B3GALT1: variants seen among roughly 807,000 people sequenced by gnomAD.
B3GALT1 encodes the protein beta-1,3-galactosyltransferase 1, also known as UDP-Gal:betaGlcNAc beta 1,3-galactosyltransferase, polypeptide 1.
B3GALT1 carries 10 observed loss-of-function variants against 23.2 expected under a neutral mutation model. That is an observed-to-expected ratio of 0.43 (90% confidence interval 0.27 to 0.73). The LOEUF is 0.73. B3GALT1 is among the 30% of genes least tolerant of loss of function. The pLI is 0.21. For synonymous variants in B3GALT1, 156 were observed against 141.5 expected (o/e 1.10, Z -0.73); for missense variants, 299 against 405.4 (o/e 0.74, Z 2.25).
chr2:167,347,153 A>G (rs900798229), intron 1 of B3GALT1, among the ~76,000 whole-genome samples: 1 of 152,196 alleles, frequency 6.6e-6, no homozygotes, highest in African/African-American at 2.4e-5. Context: ...TTCTAATAAA[A>G]GTATTCTGGG....
chr2:167,774,616 G>A (rs1688131035), intron 3 of B3GALT1, among the ~76,000 whole-genome samples: 1 of 149,530 alleles, frequency 6.7e-6, no homozygotes, highest in Non-Finnish European at 1.5e-5. Context: ...TCCTGCCTCA[G>A]CCTCCTGAGT....
chr2:167,633,535 C>G (rs1287813143), intron 2 of B3GALT1, among the ~76,000 whole-genome samples: 1 of 151,592 alleles, frequency 6.6e-6, no homozygotes, highest in Non-Finnish European at 1.5e-5. Flanking sequence ...GGTTGCAATC[C>G]TAGTCTCTCA....
At chr2:167,307,582 G>T (rs1696569404) in intron 1 of B3GALT1, among the ~76,000 whole-genome samples, 1 of 151,998 alleles carries the variant, frequency 6.6e-6, no homozygotes, top group Admixed American at 6.6e-5. Context: ...TGGTGAGGTG[G>T]TTATCAAAAG....
intron 1 of B3GALT1, among the ~76,000 whole-genome samples, chr2:167,412,758 A>C (rs561063873): frequency 1.3e-5 from 2 of 152,136 alleles, no homozygotes; most frequent in Non-Finnish European, 2.9e-5. Flanking sequence ...ATAAATGTGT[A>C]CATCTCTTCA....
At chr2:167,425,835 G>A (rs1210926529) in intron 1 of B3GALT1, among the ~76,000 whole-genome samples, 1 of 152,152 alleles carries the variant, frequency 6.6e-6, no homozygotes, top group Non-Finnish European at 1.5e-5. Context: ...GAAACCAGAA[G>A]CACTCAGAAA....
intron 3 of B3GALT1, among the ~76,000 whole-genome samples, chr2:167,740,098 CTAAA>C (rs57363909): frequency 0.099 from 14,102 of 142,876 alleles, 1,008 homozygotes; most frequent in African/African-American, 0.21. Context: ...GACTCTGTCT[CTAAA>C]TAAATAAATA....
chr2:167,634,065 G>A (rs1186314326), intron 2 of B3GALT1, among the ~76,000 whole-genome samples: 1 of 152,044 alleles, frequency 6.6e-6, no homozygotes, highest in Admixed American at 6.6e-5. Flanking sequence ...ACAACTACAT[G>A]GAAACTGAAC....
At chr2:167,684,131 C>G (rs752208034) in intron 3 of B3GALT1, among the ~76,000 whole-genome samples, 6 of 152,202 alleles carry the variant, frequency 3.9e-5, no homozygotes, top group Non-Finnish European at 8.8e-5. Flanking sequence ...ACTGGTTAGT[C>G]TCTCCATTTA....
intron 4 of B3GALT1, among the ~76,000 whole-genome samples, chr2:167,855,602 T>C (rs1325424033): frequency 6.6e-6 from 1 of 152,198 alleles, no homozygotes; most frequent in African/African-American, 2.4e-5. Context: ...TAAAAATATG[T>C]GCTGTAGTAA....
chr2:167,318,169 A>C (rs145269627), intron 1 of B3GALT1, among the ~76,000 whole-genome samples: 5,196 of 152,056 alleles, frequency 0.034, 251 homozygotes, highest in African/African-American at 0.11. Context: ...TCTACTAAAA[A>C]TACAAAAATT....
At chr2:167,711,431 C>T (rs1465888717) in intron 3 of B3GALT1, among the ~76,000 whole-genome samples, 1 of 152,166 alleles carries the variant, frequency 6.6e-6, no homozygotes, top group Non-Finnish European at 1.5e-5. Flanking sequence ...GAATGAATGG[C>T]ACTGCAGGTA....
chr2:167,835,179 T>C (rs10194405), intron 4 of B3GALT1, among the ~76,000 whole-genome samples: 50,535 of 151,888 alleles, frequency 0.33, 8,974 homozygotes, highest in East Asian at 0.61. Flanking sequence ...AGACAGTGGG[T>C]GCAGGTTAGT....
At chr2:167,459,556 GA>G (rs1699225194) in intron 1 of B3GALT1, among the ~76,000 whole-genome samples, 1 of 152,102 alleles carries the variant, frequency 6.6e-6, no homozygotes, top group Admixed American at 6.5e-5. Flanking sequence ...AAAGTTATAA[GA>G]ATACTAGCTT....
In B3GALT1 at chr2:167,302,464, A is replaced by G. The variant is rs1308579070; in HGVS notation, c.-511+9130A>G. 2.0e-5 allele frequency among the ~76,000 whole-genome samples: 3 copies of G among 152,164 alleles called. 1 individual carries two copies. Among genetic ancestry groups the G allele is most frequent in the Admixed American group, 6.5e-5 (1 of 15,274 alleles). On this transcript the variant is annotated intron_variant, in intron 1 of 4. Transcript: ENST00000392690. Reference sequence around the variant, plus strand: ...TTGGAAGGAAAGGACTAAATTGTACAAATTTCTGTTTTCTACATTGTTACT... The same window carrying G: ...TTGGAAGGAAAGGACTAAATTGTACGAATTTCTGTTTTCTACATTGTTACT...
intron 2 of B3GALT1, among the ~76,000 whole-genome samples, chr2:167,566,286 A>G (rs971877201): frequency 6.0e-5 from 9 of 151,068 alleles, no homozygotes; most frequent in East Asian, 2.0e-4. Flanking sequence ...TCACTCATAG[A>G]TGGGACTTGA....
At chr2:167,295,194 T>C (rs1252012638) in intron 1 of B3GALT1, among the ~76,000 whole-genome samples, 1 of 152,242 alleles carries the variant, frequency 6.6e-6, no homozygotes, top group Non-Finnish European at 1.5e-5. Context: ...TTTTTTATTA[T>C]GATTTTAGTC....
intron 3 of B3GALT1, among the ~76,000 whole-genome samples, chr2:167,716,925 A>G (rs750269825): frequency 1.4e-4 from 21 of 152,134 alleles, no homozygotes; most frequent in Non-Finnish European, 2.1e-4. Context: ...GTCCAGTCTG[A>G]GTGAAGTGTA....
intron 1 of B3GALT1, among the ~76,000 whole-genome samples, chr2:167,313,408 C>T (rs888680898): frequency 2.3e-4 from 35 of 152,052 alleles, no homozygotes; most frequent in African/African-American, 6.8e-4. Flanking sequence ...ATGTGTTAAA[C>T]GAGTAATAGA....
chr2:167,649,282 CTT>C (rs1409151412), intron 3 of B3GALT1, among the ~76,000 whole-genome samples: 11 of 151,982 alleles, frequency 7.2e-5, no homozygotes, highest in Admixed American at 3.9e-4. Flanking sequence ...TCCTTCTTCT[CTT>C]GTTTTTATTT....
Sources: allele counts gnomAD v4.1 joint callset (sites outside exome capture counted in the v4.1 genomes callset), GRCh38; gene constraint gnomAD v4.1.1; transcripts MANE v1.5; gene names NCBI Gene and HGNC (gene_info 2026-07-23, HGNC 2026-07-21).